Variants in KIF13A observed in about 807,000 individuals in gnomAD.
KIF13A encodes kinesin-like protein KIF13A.
Under a neutral mutation model 212.2 loss-of-function variants are expected in KIF13A, and 79 were observed. The observed-to-expected ratio is 0.37, with a 90% CI of 0.31 to 0.45. KIF13A has a LOEUF of 0.45. Ranked by LOEUF, KIF13A falls within the 20% of genes least tolerant of loss-of-function variation. The probability of loss-of-function intolerance (pLI) is 1.00; values close to 1 mark genes in which losing one functional copy is unlikely to be tolerated. For synonymous variants in KIF13A, 789 were observed against 808.6 expected (o/e 0.98, Z 0.41); for missense variants, 1,901 against 2,209.0 (o/e 0.86, Z 2.79).
chr6:17,773,353 G>GT lies in KIF13A; in HGVS notation c.4324+124dup. The GT allele has an allele frequency of 1.9e-6, 1 of 536,116 alleles. No homozygotes were observed. Among genetic ancestry groups the GT allele is most frequent in the Non-Finnish European group, 3.3e-6 (1 of 301,610 alleles). 33.2% of individuals were successfully genotyped at this position (536,116 alleles called of 1,614,324 possible). A position where few individuals can be genotyped will look rare whatever the true frequency, so the allele number is the denominator to read the frequency against. ...ATATGTTACATTCAATAACAGTTTT[G>GT]TATCATCTAGTTAACTAGAATATCA... On this transcript the variant is annotated intron_variant, in intron 36 of 38. Transcript: ENST00000259711. This position sits in a 1 kb window ranked among gnomAD's most constrained non-coding sequence, Gnocchi z 4.2.
At chr6:17,869,799 C>T (rs1265529158) in intron 4 of KIF13A, among the ~76,000 whole-genome samples, 4 of 152,224 alleles carry the variant, frequency 2.6e-5, no homozygotes, top group African/African-American at 4.8e-5. Context: ...TCAATCCATG[C>T]ACTTATCTTT....
At chr6:17,939,673 C>A (rs375625435) in intron 2 of KIF13A, among the ~76,000 whole-genome samples, 81 of 151,952 alleles carry the variant, frequency 5.3e-4, no homozygotes, top group African/African-American at 1.8e-3. Context: ...CTAAAACCTA[C>A]CAAAACCAAG....
rs973585516 is a variant in KIF13A at position 17,850,603 on chromosome 6, A to G, written c.583-146T>C. 96 of 732,190 alleles carry G rather than the reference A, an allele frequency of 1.3e-4. No individual in the cohort carries two copies. The Middle Eastern group carries it at 2.1e-3, about 16-fold the overall frequency. 45.4% of individuals were successfully genotyped at this position (732,190 alleles called of 1,614,324 possible). A position where few individuals can be genotyped will look rare whatever the true frequency, so the allele number is the denominator to read the frequency against. On this transcript the variant is annotated intron_variant, in intron 7 of 38. Transcript: ENST00000259711. This position sits in a 1 kb window ranked among gnomAD's most constrained non-coding sequence, Gnocchi z 6.2. ...CCTCCCTGCCGCTCCTCCATTGAGC[A>G]TGGTTTGAGCTTCCACCTCACTCAA...
At position 17,855,391 on chromosome 6, in the gene KIF13A, A is replaced by G; in HGVS notation, c.494+46T>C. 7.2e-7 allele frequency: 1 copy of G among 1,394,136 alleles called. No homozygotes were observed. The highest frequency in any genetic ancestry group is 9.9e-7 in the Non-Finnish European group (1 of 1,015,056). The allele number at this position is 1,394,136 out of a possible 1,614,324, so 86.4% of individuals were successfully genotyped here. A position where few individuals can be genotyped will look rare whatever the true frequency, so the allele number is the denominator to read the frequency against. ...CAATTTTAACTTTAGAATCATTTAA[A>G]ATTATCTCCCCCTATTAACACACTT... On this transcript the variant is annotated intron_variant, in intron 6 of 38. Coordinates refer to ENST00000259711, the MANE Select transcript of KIF13A (RefSeq NM_022113.6). The surrounding 1 kb of genome is among the most constrained non-coding windows in gnomAD (Gnocchi z 4.1).
chr6:17,901,330 A>T (rs189084797), intron 2 of KIF13A, among the ~76,000 whole-genome samples: 6 of 152,262 alleles, frequency 3.9e-5, no homozygotes, highest in African/African-American at 1.4e-4. Context: ...AAAAAATGTG[A>T]TATTACAATG....
chr6:17,918,934 T>C lies in KIF13A; in HGVS notation c.147-20754A>G, dbSNP rs546222130. Among the ~76,000 whole-genome samples, 1 of 152,194 alleles carries C rather than the reference T, an allele frequency of 6.6e-6. No homozygotes were observed. Among genetic ancestry groups the C allele is most frequent in the Non-Finnish European group, 1.5e-5 (1 of 68,034 alleles). On this transcript the variant is annotated intron_variant, in intron 2 of 38. Transcript: ENST00000259711. This position sits in a 1 kb window ranked among gnomAD's most constrained non-coding sequence, Gnocchi z 4.8. ...AGGTCTCCCCTGGATCTGACAGTTATAAGATCCACGGAAAGAGAGGCTTTG... is the reference window on the plus strand; with the variant it reads ...AGGTCTCCCCTGGATCTGACAGTTACAAGATCCACGGAAAGAGAGGCTTTG...
intron 2 of KIF13A, among the ~76,000 whole-genome samples, chr6:17,959,339 T>A (rs1355768850): frequency 1.3e-5 from 2 of 152,216 alleles, no homozygotes; most frequent in African/African-American, 4.8e-5. Flanking sequence ...GCATTTTAAA[T>A]ACATTTGCAA....
intron 23 of KIF13A, among the ~76,000 whole-genome samples, chr6:17,795,821 C>T: frequency 6.6e-6 from 1 of 152,268 alleles, no homozygotes; most frequent in African/African-American, 2.4e-5. Flanking sequence ...CCAACTTAAA[C>T]AATTTTTTCT....
In KIF13A at chr6:17,884,729, T is replaced by C. The variant is rs1443370520; in HGVS notation, c.160-11292A>G. 2.0e-5 allele frequency among the ~76,000 whole-genome samples: 3 copies of C among 152,330 alleles called. No homozygotes were observed. The South Asian group carries it at 6.2e-4, about 32-fold the overall frequency. On this transcript the variant is annotated intron_variant, in intron 3 of 38. Coordinates refer to ENST00000259711, the MANE Select transcript of KIF13A (RefSeq NM_022113.6). ...GTATGAAGGAGTGTGTCCTCTCCTC[T>C]ACACTGCCTTCTTCCTCTCTTTGTA...
intron 2 of KIF13A, among the ~76,000 whole-genome samples, chr6:17,970,758 T>C (rs1779745530): frequency 6.6e-6 from 1 of 152,234 alleles, no homozygotes; most frequent in Non-Finnish European, 1.5e-5. Flanking sequence ...ATAGGAGTAC[T>C]GAACAGACAT....
At chr6:17,866,019 T>A (rs1769329410) in intron 4 of KIF13A, among the ~76,000 whole-genome samples, 1 of 152,146 alleles carries the variant, frequency 6.6e-6, no homozygotes, top group Non-Finnish European at 1.5e-5. Flanking sequence ...GGCACTGGTC[T>A]CGAGAATGAA....
intron 18 of KIF13A, among the ~76,000 whole-genome samples, chr6:17,808,384 T>A (rs992159795): frequency 1.2e-5 from 1 of 84,384 alleles, no homozygotes; most frequent in African/African-American, 3.9e-5. Flanking sequence ...AGACTCAGTC[T>A]AAAAACAAAC....
At chr6:17,767,968 T>G (rs1438179885) in intron 38 of KIF13A, among the ~76,000 whole-genome samples, 1 of 152,088 alleles carries the variant, frequency 6.6e-6, no homozygotes, top group Non-Finnish European at 1.5e-5. Context: ...CAGTTCACAG[T>G]GGGGAAAATA....
chr6:17,896,145 A>C (rs1772543144), intron 3 of KIF13A, among the ~76,000 whole-genome samples: 1 of 152,096 alleles, frequency 6.6e-6, no homozygotes, highest in Admixed American at 6.5e-5. Flanking sequence ...TGTCCCCCGA[A>C]TACTGTATTT....
At chr6:17,821,512 A>C (rs1396292375) in intron 16 of KIF13A, among the ~76,000 whole-genome samples, 1 of 141,634 alleles carries the variant, frequency 7.1e-6, no homozygotes, top group African/African-American at 2.5e-5. Context: ...CTGCTGTTAG[A>C]GTTTAACCAA....
In KIF13A at chr6:17,856,817, T is replaced by C. The variant is rs1768188969; in HGVS notation, c.221-695A>G. On this transcript the variant is annotated intron_variant, in intron 4 of 38. Coordinates refer to ENST00000259711, the MANE Select transcript of KIF13A (RefSeq NM_022113.6). This position sits in a 1 kb window ranked among gnomAD's most constrained non-coding sequence, Gnocchi z 4.5. ...AGCATTTGCTACCCTTTGAATTTGGTGATTTTCTAATATTCATTCTGTATC... is the reference window on the plus strand; with the variant it reads ...AGCATTTGCTACCCTTTGAATTTGGCGATTTTCTAATATTCATTCTGTATC... Among the ~76,000 whole-genome samples the C allele has an allele frequency of 6.6e-6, 1 of 152,220 alleles. No individual in the cohort carries two copies. The highest frequency in any genetic ancestry group is 2.1e-4 in the South Asian group (1 of 4,832).
At position 17,811,495 on chromosome 6, in the gene KIF13A, A is replaced by G. The variant is rs1581382092; in HGVS notation, c.2001-2565T>C. ...TTTTCTATGACTTAATTTTTCCACA[A>G]ATTTATATCTTGTTTCATACTACAT... On this transcript the variant is annotated intron_variant, in intron 17 of 38. Coordinates refer to ENST00000259711, the MANE Select transcript of KIF13A (RefSeq NM_022113.6). The surrounding 1 kb of genome is among the most constrained non-coding windows in gnomAD (Gnocchi z 6.0). 6.6e-6 allele frequency among the ~76,000 whole-genome samples: 1 copy of G among 152,176 alleles called. No homozygotes were observed. The highest frequency in any genetic ancestry group is 1.9e-4 in the East Asian group (1 of 5,202).
At chr6:17,923,188 C>T (rs1179266590) in intron 2 of KIF13A, among the ~76,000 whole-genome samples, 6 of 151,792 alleles carry the variant, frequency 4.0e-5, no homozygotes, top group Non-Finnish European at 7.4e-5. Flanking sequence ...GCAGGAGAAT[C>T]GCTTGAGCCA....
chr6:17,811,732 C>A lies in KIF13A; in HGVS notation c.2001-2802G>T, dbSNP rs1354000586. Among the ~76,000 whole-genome samples the A allele has an allele frequency of 2.0e-5, 3 of 152,210 alleles. No individual in the cohort carries two copies. Among genetic ancestry groups the A allele is most frequent in the Non-Finnish European group, 4.4e-5 (3 of 68,038 alleles). The stretch of plus-strand genomic sequence containing the variant: ...ACATCTTACTTTTATCCAGTGAAAC[C>A]TGACAAAATCAATAATGCAACTATT... On this transcript the variant is annotated intron_variant, in intron 17 of 38. Transcript: ENST00000259711. The surrounding 1 kb of genome is among the most constrained non-coding windows in gnomAD (Gnocchi z 6.0).
Sources: gnomAD v4.1 joint callset for allele counts (sites outside exome capture counted in the v4.1 genomes callset) on GRCh38, gnomAD v4.1.1 for gene constraint, Gnocchi (gnomAD v3.1) non-coding constraint, MANE v1.5 for transcripts, NCBI Gene and HGNC (gene_info 2026-07-23, HGNC 2026-07-21) for gene names.